NCKAP5: variants seen among roughly 807,000 people sequenced by gnomAD.
NCKAP5 encodes the protein NCK associated protein 5.
In NCKAP5, 92 loss-of-function variants were observed where a neutral mutation model predicts 167.0. The observed-to-expected ratio is 0.55, with a 90% confidence interval of 0.47 to 0.66. NCKAP5 has a LOEUF of 0.66. NCKAP5 is among the 30% of genes least tolerant of loss of function. NCKAP5 has a pLI of 0.00. For synonymous variants in NCKAP5, 891 were observed against 877.4 expected, an observed-to-expected ratio of 1.02 and a Z score of -0.27; for missense variants, 2,378 against 2,315.0, an observed-to-expected ratio of 1.03 and a Z score of -0.56.
chr2:133,449,045 T>A (rs746790837), intron 3 of NCKAP5, among the ~76,000 whole-genome samples: 4 of 152,232 alleles, frequency 2.6e-5, no homozygotes, highest in Non-Finnish European at 4.4e-5. Flanking sequence ...GATTTAATTA[T>A]CCTTGCACTT....
At chr2:133,647,359 GGAAGGAAGGAAGAAA>G in the NCKAP5 span, among the ~76,000 whole-genome samples, 1 of 105,630 alleles carries the variant, frequency 9.5e-6, no homozygotes, top group African/African-American at 5.0e-5. Flanking sequence ...AGGAAAGAAA[GGAAGGAAGGAAGAAA>G]GAAAGGAAGG....
At chr2:132,798,229 T>C (rs1684755187) in intron 11 of NCKAP5, among the ~76,000 whole-genome samples, 1 of 152,198 alleles carries the variant, frequency 6.6e-6, no homozygotes, top group South Asian at 2.1e-4. Context: ...GAATCTGACT[T>C]TCCTGGGGGC....
intron 5 of NCKAP5, among the ~76,000 whole-genome samples, chr2:133,187,004 T>G (rs2084974245): frequency 2.6e-5 from 4 of 151,826 alleles, no homozygotes; most frequent in Admixed American, 2.0e-4. Context: ...AAGCTTCGGG[T>G]TTGGTTTGTT....
intron 1 of NCKAP5, among the ~76,000 whole-genome samples, chr2:133,563,564 TAAAAAAAAAA>T (rs57901498): frequency 0.015 from 803 of 53,056 alleles, 2 homozygotes; most frequent in Non-Finnish European, 0.023. Context: ...AAAGACTCCA[TAAAAAAAAAA>T]AAAAAAAAAA....
chr2:132,837,801 A>G (rs748487), intron 11 of NCKAP5, among the ~76,000 whole-genome samples: 96,472 of 151,998 alleles, frequency 0.63, 32,153 homozygotes, highest in East Asian at 0.89. Context: ...TTCATTGAGA[A>G]TGTGGGGAGC....
chr2:133,300,505 T>C (rs1436267041), intron 4 of NCKAP5, among the ~76,000 whole-genome samples: 3 of 117,516 alleles, frequency 2.6e-5, no homozygotes, highest in South Asian at 3.2e-4. Context: ...ATCCAGCATA[T>C]AAACAGAGCC....
chr2:133,176,512 TC>T (rs2084469108), intron 5 of NCKAP5, among the ~76,000 whole-genome samples: 1 of 152,212 alleles, frequency 6.6e-6, no homozygotes. Flanking sequence ...ACAATTATGT[TC>T]TTTGGATAGA....
At chr2:132,723,940 T>A (rs1690196272) in intron 19 of NCKAP5, among the ~76,000 whole-genome samples, 3 of 152,214 alleles carry the variant, frequency 2.0e-5, no homozygotes, top group Admixed American at 6.5e-5. Flanking sequence ...TGGTTAGTCC[T>A]CAGAAAGGCA....
intron 16 of NCKAP5, among the ~76,000 whole-genome samples, chr2:132,747,904 A>G (rs754992959): frequency 5.9e-5 from 9 of 152,162 alleles, no homozygotes; most frequent in Non-Finnish European, 1.0e-4. Context: ...CAAACCTCAA[A>G]GCTTCAGGCT....
intron 8 of NCKAP5, among the ~76,000 whole-genome samples, chr2:132,887,347 C>CCA: frequency 5.4e-5 from 6 of 111,924 alleles, no homozygotes; most frequent in Admixed American, 2.5e-4. Context: ...ATCTATCTAT[C>CCA]TATCCATCCA....
the NCKAP5 span, among the ~76,000 whole-genome samples, chr2:133,599,197 G>A: frequency 1.3e-5 from 2 of 152,188 alleles, no homozygotes; most frequent in Non-Finnish European, 2.9e-5. Flanking sequence ...TGTTTTGTAG[G>A]GGACACAATT....
At chr2:133,140,627 G>A (rs2149836135) in intron 5 of NCKAP5, among the ~76,000 whole-genome samples, 1 of 151,968 alleles carries the variant, frequency 6.6e-6, no homozygotes, top group East Asian at 1.9e-4. Flanking sequence ...CTAATTTATG[G>A]TTTATAAAAC....
chr2:133,411,333 T>C (rs1028247652), intron 3 of NCKAP5, among the ~76,000 whole-genome samples: 3 of 152,178 alleles, frequency 2.0e-5, no homozygotes, highest in African/African-American at 7.2e-5. Flanking sequence ...GTAAACTTTA[T>C]AATATTTTTG....
chr2:133,441,595 G>C (rs1690866295), intron 3 of NCKAP5, among the ~76,000 whole-genome samples: 1 of 152,192 alleles, frequency 6.6e-6, no homozygotes, highest in South Asian at 2.1e-4. Context: ...AAATCATTTA[G>C]AGATTCCAAG....
At chr2:133,316,135 CA>C (rs1440371607) in intron 3 of NCKAP5, among the ~76,000 whole-genome samples, 1 of 152,102 alleles carries the variant, frequency 6.6e-6, no homozygotes, top group East Asian at 1.9e-4. Flanking sequence ...AATGGTCTCC[CA>C]AACAGAATTT....
chr2:132,926,770 T>A lies in NCKAP5; in HGVS notation c.579+36950A>T, dbSNP rs1048505171. Among the ~76,000 whole-genome samples the A allele has an allele frequency of 2.6e-5, 4 of 152,206 alleles. No homozygotes were observed. In the East Asian group the frequency reaches 7.7e-4, roughly 29 times the overall value. On this transcript the variant is annotated intron_variant, in intron 8 of 19. Transcript: ENST00000409261. ...TGTTGAGTTCCTTGTAAATTCTGGA[T>A]ATTCATTCCATGTCGTAGTCACAAT...
At chr2:133,601,649 C>T in the NCKAP5 span, among the ~76,000 whole-genome samples, 1 of 152,198 alleles carries the variant, frequency 6.6e-6, no homozygotes, top group African/African-American at 2.4e-5. Flanking sequence ...TGGAGAATTG[C>T]TTGAACCCTG....
the NCKAP5 span, among the ~76,000 whole-genome samples, chr2:133,664,312 T>A: frequency 4.6e-5 from 7 of 152,192 alleles, no homozygotes; most frequent in Non-Finnish European, 7.3e-5. Context: ...ACCCTAGAAG[T>A]TTTGGAATAT....
chr2:133,230,364 T>C (rs2087088220), intron 4 of NCKAP5, among the ~76,000 whole-genome samples: 1 of 152,208 alleles, frequency 6.6e-6, no homozygotes. Context: ...CTAGCGTTGC[T>C]GTGGGCATTA....
Sources: gnomAD v4.1 joint callset for allele counts (sites outside exome capture counted in the v4.1 genomes callset) on GRCh38, gnomAD v4.1.1 for gene constraint, MANE v1.5 for transcripts, NCBI Gene and HGNC (gene_info 2026-07-23, HGNC 2026-07-21) for gene names.